Variants in ADGRV1 observed in about 807,000 individuals in gnomAD.
ADGRV1 encodes G-protein coupled receptor 98.
ADGRV1 carries 359 observed loss-of-function variants against 596.2 expected under a neutral mutation model. That is an observed-to-expected ratio of 0.60 (90% CI 0.55 to 0.66). ADGRV1 has a LOEUF of 0.66. ADGRV1 is among the 30% of genes least tolerant of loss of function. The pLI is 0.00. For synonymous variants in ADGRV1, 2,681 were observed against 2,679.2 expected, an observed-to-expected ratio of 1.00 and a Z score of -0.02; for missense variants, 7,274 against 7,575.6, an observed-to-expected ratio of 0.96 and a Z score of 1.48.
Position 90,685,835 on chromosome 5 carries a change from C to T in ADGRV1, c.6330C>T (p.Ile2110=). ...PKVETIAQLI[I]IANDDAFGTL... is the part of the protein sequence containing the mutation. ...TAGAAACTATTGCGCAACTAATTAT[C>T]ATTGCCAATGATGATGCATTTGGAA... The change falls in exon 29 of 90, where the codon ATC becomes ATT. Residue 2110 remains isoleucine, a synonymous_variant. Transcript: ENST00000405460. The T allele has an allele frequency of 1.2e-6, 2 of 1,612,226 alleles. No individual in the cohort carries two copies. Among genetic ancestry groups the T allele is most frequent in the East Asian group, 2.2e-5 (1 of 44,814 alleles).
chr5:91,055,191 T>C (rs1461304281), intron 85 of ADGRV1, among the ~76,000 whole-genome samples: 1 of 152,136 alleles, frequency 6.6e-6, no homozygotes, highest in Non-Finnish European at 1.5e-5. Flanking sequence ...TATTAGACAC[T>C]GGATTAGAGG....
At chr5:90,940,367 G>A (rs901656069) in intron 83 of ADGRV1, among the ~76,000 whole-genome samples, 1 of 152,162 alleles carries the variant, frequency 6.6e-6, no homozygotes, top group African/African-American at 2.4e-5. Flanking sequence ...CAAAAGGCCA[G>A]GTATGGTTGG....
At chr5:90,959,947 G>C (rs578102162) in intron 83 of ADGRV1, among the ~76,000 whole-genome samples, 1 of 152,010 alleles carries the variant, frequency 6.6e-6, no homozygotes, top group African/African-American at 2.4e-5. Flanking sequence ...AGACCATCCT[G>C]GCTAACACGG....
chr5:90,969,234 G>A (rs1423663302), intron 84 of ADGRV1, among the ~76,000 whole-genome samples: 3 of 152,154 alleles, frequency 2.0e-5, no homozygotes, highest in African/African-American at 7.2e-5. Flanking sequence ...TTGAAATGGT[G>A]TCTGGGACAG....
chr5:90,926,720 G>A (rs1283822228), intron 83 of ADGRV1, among the ~76,000 whole-genome samples: 1 of 149,060 alleles, frequency 6.7e-6, no homozygotes, highest in Non-Finnish European at 1.5e-5. Flanking sequence ...TTTTAATTGT[G>A]ATGTTAGGGT....
At chr5:90,757,981 A>C (rs980801725) in intron 57 of ADGRV1, among the ~76,000 whole-genome samples, 2 of 152,230 alleles carry the variant, frequency 1.3e-5, no homozygotes, top group Non-Finnish European at 2.9e-5. Context: ...ATTTTCCTAC[A>C]CAGAAAAACC....
chr5:91,099,404 G>T (rs1463636563), intron 86 of ADGRV1, among the ~76,000 whole-genome samples: 1 of 152,082 alleles, frequency 6.6e-6, no homozygotes, highest in East Asian at 1.9e-4. Flanking sequence ...ACAGAGCAAG[G>T]TGTGCATCTG....
chr5:91,028,941 T>C (rs1350762494), intron 85 of ADGRV1, among the ~76,000 whole-genome samples: 2 of 152,074 alleles, frequency 1.3e-5, no homozygotes. Context: ...TTTTGCTATG[T>C]TGACCAGGCT....
At chr5:90,801,697 A>G (rs1761393069) in intron 70 of ADGRV1, among the ~76,000 whole-genome samples, 1 of 152,180 alleles carries the variant, frequency 6.6e-6, no homozygotes, top group Non-Finnish European at 1.5e-5. Context: ...TAAAAGAAGA[A>G]GAGACTTTAC....
chr5:90,732,893 C>G (rs902445981), intron 50 of ADGRV1, among the ~76,000 whole-genome samples: 4 of 152,212 alleles, frequency 2.6e-5, no homozygotes, highest in Non-Finnish European at 4.4e-5. Context: ...CTGAAATCCT[C>G]TAAAAGGGTT....
At chr5:90,595,036 G>A (rs1328355489) in intron 1 of ADGRV1, among the ~76,000 whole-genome samples, 1 of 144,776 alleles carries the variant, frequency 6.9e-6, no homozygotes, top group African/African-American at 2.7e-5. Flanking sequence ...GGGCAGAGGG[G>A]CTCCTCACTT....
rs1561542412 is a variant in ADGRV1 at position 90,694,338 on chromosome 5, CCTGAT to C, written c.7583_7587del (p.Pro2528ArgfsTer7). On this transcript the variant is annotated frameshift_variant, in exon 33 of 90. Transcript: ENST00000405460. LOFTEE classifies it high-confidence loss of function. ...CGCAAATCTCACAGTGTCTATTCTTCCTGATGATTTCCCAGAGATGGATGAGAGTT... is the reference window on the plus strand; with the variant it reads ...CGCAAATCTCACAGTGTCTATTCTTCGATTTCCCAGAGATGGATGAGAGTT... 6.2e-7 allele frequency: 1 copy of C among 1,613,972 alleles called. No individual in the cohort carries two copies. Among genetic ancestry groups the C allele is most frequent in the Non-Finnish European group, 8.5e-7 (1 of 1,179,882 alleles).
intron 59 of ADGRV1, among the ~76,000 whole-genome samples, chr5:90,767,968 T>C (rs1429691914): frequency 6.6e-6 from 1 of 152,232 alleles, no homozygotes; most frequent in African/African-American, 2.4e-5. Context: ...CTAGCCATGA[T>C]CTGAAAACCT....
At chr5:90,778,639 A>G (rs752199688) in intron 63 of ADGRV1, 30 bp downstream of exon 63, 14 of 1,463,308 alleles carry the variant, frequency 9.6e-6, no homozygotes, top group Non-Finnish European at 9.1e-6. Flanking sequence ...AGATTTTAAT[A>G]TCATTTTTAT....
intron 63 of ADGRV1, 39 bp from the exon 64 acceptor site, chr5:90,778,826 T>G (rs748192700): frequency 6.6e-7 from 1 of 1,523,708 alleles, no homozygotes; most frequent in Non-Finnish European, 9.0e-7. Flanking sequence ...TCTGGTAGAT[T>G]AAACATCCAA....
chr5:91,094,693 G>A (rs1790698119), intron 86 of ADGRV1, among the ~76,000 whole-genome samples: 3 of 152,128 alleles, frequency 2.0e-5, no homozygotes, highest in South Asian at 4.1e-4. Flanking sequence ...GGAAAATGGG[G>A]CATCAGGGTA....
intron 85 of ADGRV1, among the ~76,000 whole-genome samples, chr5:91,017,577 C>CTG (rs1783277238): frequency 6.6e-6 from 1 of 151,906 alleles, no homozygotes; most frequent in African/African-American, 2.4e-5. Flanking sequence ...GAACTCTGTG[C>CTG]TGTGCCTCTT....
chr5:90,675,165 T>C, intron 23 of ADGRV1, 78 bp from the exon 24 acceptor site: 1 of 1,259,556 alleles, frequency 7.9e-7, no homozygotes, highest in Non-Finnish European at 1.1e-6. Context: ...AAAATAATTG[T>C]GTAAGATCGC....
In ADGRV1 at chr5:90,706,312, A is replaced by C; in HGVS notation, c.8648A>C (p.Glu2883Ala). The change falls in exon 38 of 90, where the codon GAA becomes GCA. Residue 2883 changes from glutamate (E) to alanine (A), a missense_variant. By Grantham distance (107) the Glu-to-Ala change is moderately radical (BLOSUM62 -1). This residue lies in a region of ADGRV1 where 3,643 missense variants were observed against 3,809.2 expected (regional missense o/e 0.96). Transcript: ENST00000405460. The stretch of plus-strand genomic sequence containing the variant: ...ACAGTAGGAAACCTAGCAGAGCCAG[A>C]AGTTGATTTTGTCCCTATCATTGGC... The part of the protein sequence containing the change: ...NQTVGNLAEP[E>A]VDFVPIIGFL... The C allele has an allele frequency of 6.2e-7, 1 of 1,613,546 alleles. No homozygotes were observed. The highest frequency in any genetic ancestry group is 8.5e-7 in the Non-Finnish European group (1 of 1,179,656).
Sources: allele counts gnomAD v4.1 joint callset (sites outside exome capture counted in the v4.1 genomes callset), GRCh38; gene constraint gnomAD v4.1.1; regional missense constraint gnomAD v4.1.1; transcripts MANE v1.5; gene names NCBI Gene and HGNC (gene_info 2026-07-23, HGNC 2026-07-21).